Variants in SMYD3 observed in about 807,000 individuals in gnomAD.
SMYD3 encodes SET and MYND domain containing 3.
A neutral mutation model predicts 57.7 loss-of-function variants in SMYD3; 36 were observed. The ratio of observed to expected loss-of-function variants is 0.62; its 90% CI spans 0.48 to 0.82. SMYD3 has a LOEUF of 0.82. Among genes scored for constraint, SMYD3 ranks in the 40% least tolerant of loss-of-function variants. The probability of loss-of-function intolerance (pLI) is 0.00; values close to 1 mark genes in which losing one functional copy is unlikely to be tolerated. For missense variants in SMYD3, 515 were observed against 538.8 expected (o/e 0.96, Z 0.44); for synonymous variants, 211 against 195.0 (o/e 1.08, Z -0.68).
At chr1:245,783,205 G>A (rs1303067076) in intron 10 of SMYD3, among the ~76,000 whole-genome samples, 1 of 152,130 alleles carries the variant, frequency 6.6e-6, no homozygotes, top group African/African-American at 2.4e-5. Flanking sequence ...TGAGATATGA[G>A]GAGCCTTCAC....
At chr1:246,146,774 C>A (rs1414518520) in intron 5 of SMYD3, among the ~76,000 whole-genome samples, 1 of 152,102 alleles carries the variant, frequency 6.6e-6, no homozygotes, top group Non-Finnish European at 1.5e-5. Flanking sequence ...AGAATTGGCA[C>A]AACAGCACCA....
chr1:246,459,054 A>AT, intron 1 of SMYD3, among the ~76,000 whole-genome samples: 1 of 151,956 alleles, frequency 6.6e-6, no homozygotes, highest in Non-Finnish European at 1.5e-5. Flanking sequence ...GAGGGGCCTG[A>AT]TGGGGGGGTG....
intron 1 of SMYD3, among the ~76,000 whole-genome samples, chr1:246,361,231 C>A (rs1332385329): frequency 6.6e-6 from 1 of 152,190 alleles, no homozygotes; most frequent in African/African-American, 2.4e-5. Context: ...AAATGCAAAT[C>A]AAAACCACAA....
At chr1:246,368,698 C>A (rs1470630609) in intron 1 of SMYD3, among the ~76,000 whole-genome samples, 1 of 152,152 alleles carries the variant, frequency 6.6e-6, no homozygotes, top group African/African-American at 2.4e-5. Context: ...GCAGACCCCC[C>A]CTCAACCTGG....
chr1:245,764,222 G>C (rs372565860), intron 10 of SMYD3, 73 bp from the exon 11 acceptor site: 1 of 972,958 alleles, frequency 1.0e-6, no homozygotes, highest in East Asian at 2.4e-5. Flanking sequence ...AGGAGACTAC[G>C]AAAGTGGAAG....
At chr1:246,324,085 T>C (rs973715272) in intron 5 of SMYD3, among the ~76,000 whole-genome samples, 2 of 152,132 alleles carry the variant, frequency 1.3e-5, no homozygotes, top group African/African-American at 4.8e-5. Flanking sequence ...TTAGAAAAGC[T>C]CTCAGAATTC....
chr1:245,845,672 A>G (rs563130658), intron 10 of SMYD3, among the ~76,000 whole-genome samples: 1 of 152,298 alleles, frequency 6.6e-6, no homozygotes, highest in East Asian at 1.9e-4. Context: ...AATTCTAAGA[A>G]CCTGCTCTTG....
chr1:246,380,879 T>C (rs2066377164), intron 1 of SMYD3, among the ~76,000 whole-genome samples: 1 of 152,104 alleles, frequency 6.6e-6, no homozygotes, highest in Non-Finnish European at 1.5e-5. Context: ...GCTATGGCCA[T>C]GGGAAGAGGT....
intron 8 of SMYD3, among the ~76,000 whole-genome samples, chr1:245,897,366 G>C (rs2053889753): frequency 6.6e-6 from 1 of 152,156 alleles, no homozygotes; most frequent in African/African-American, 2.4e-5. Context: ...AACTGTGTTA[G>C]AGTACTTTAA....
chr1:245,972,798 G>C (rs1254113452), intron 5 of SMYD3, among the ~76,000 whole-genome samples: 1 of 152,180 alleles, frequency 6.6e-6, no homozygotes, highest in Non-Finnish European at 1.5e-5. Context: ...AAGAATCCGG[G>C]CCCTGAATAA....
intron 5 of SMYD3, among the ~76,000 whole-genome samples, chr1:245,950,974 T>C (rs2057614089): frequency 6.6e-6 from 1 of 152,162 alleles, no homozygotes; most frequent in Admixed American, 6.5e-5. Context: ...GACAAGTCTT[T>C]GAGTTAGGGA....
At chr1:246,259,189 A>T (rs533955046) in intron 5 of SMYD3, among the ~76,000 whole-genome samples, 1 of 152,184 alleles carries the variant, frequency 6.6e-6, no homozygotes, top group Admixed American at 6.5e-5. Context: ...TCATGCTTTG[A>T]ATTACTTATC....
chr1:245,884,756 C>A (rs34210654), intron 8 of SMYD3, among the ~76,000 whole-genome samples: 2 of 134,968 alleles, frequency 1.5e-5, no homozygotes, highest in Non-Finnish European at 3.0e-5. Context: ...AAAAACGCAC[C>A]AATCAGCGCT....
At chr1:245,793,348 C>A (rs944768121) in intron 10 of SMYD3, among the ~76,000 whole-genome samples, 1 of 152,034 alleles carries the variant, frequency 6.6e-6, no homozygotes, top group Non-Finnish European at 1.5e-5. Flanking sequence ...TAAAGTTTCA[C>A]TTGCATACTT....
At chr1:246,423,254 G>T (rs1005990286) in intron 1 of SMYD3, among the ~76,000 whole-genome samples, 1 of 148,340 alleles carries the variant, frequency 6.7e-6, no homozygotes, top group African/African-American at 2.5e-5. Flanking sequence ...CCGAGATCGC[G>T]CCACTGCACT....
intron 3 of SMYD3, 148 bp from the exon 4 acceptor site, chr1:246,330,685 A>G (rs1056387437): frequency 3.8e-6 from 2 of 525,450 alleles, no homozygotes; most frequent in African/African-American, 3.9e-5. Context: ...CTCTCATTAG[A>G]CTGAATTAAT....
chr1:245,837,298 C>A (rs2050151621), intron 10 of SMYD3, among the ~76,000 whole-genome samples: 1 of 151,748 alleles, frequency 6.6e-6, no homozygotes, highest in African/African-American at 2.4e-5. Flanking sequence ...GAGATGGCAG[C>A]CACAGCTGGG....
chr1:246,333,733 A>G (rs966338006), intron 3 of SMYD3, among the ~76,000 whole-genome samples: 22 of 152,012 alleles, frequency 1.4e-4, no homozygotes, highest in African/African-American at 5.3e-4. Context: ...AAAAAACACA[A>G]AAACTAGCGG....
chr1:245,849,633 A>G (rs2050853137), intron 10 of SMYD3, among the ~76,000 whole-genome samples: 1 of 142,206 alleles, frequency 7.0e-6, no homozygotes, highest in South Asian at 2.5e-4. Context: ...TACCATCTTT[A>G]TTTTATTTAT....
Sources: allele counts gnomAD v4.1 joint callset (sites outside exome capture counted in the v4.1 genomes callset), GRCh38; gene constraint gnomAD v4.1.1; transcripts MANE v1.5; gene names NCBI Gene and HGNC (gene_info 2026-07-23, HGNC 2026-07-21).